The following DR1 variants were observed in gnomAD, a reference collection of about 807,000 sequenced individuals.
DR1 encodes the protein protein Dr1.
In DR1, 7 loss-of-function variants were observed where a neutral mutation model predicts 19.9. That is an observed-to-expected ratio of 0.35 (90% CI 0.20 to 0.66). DR1 has a LOEUF of 0.66. DR1 is among the 30% of genes least tolerant of loss of function. DR1 has a pLI of 0.66. For missense variants in DR1, 98 were observed against 203.7 expected (o/e 0.48, Z 3.16); for synonymous variants, 76 against 72.5 (o/e 1.05, Z -0.24).
chr1:93,350,423 A>G (rs1666901548), intron 1 of DR1, among the ~76,000 whole-genome samples: 1 of 152,176 alleles, frequency 6.6e-6, no homozygotes, highest in Non-Finnish European at 1.5e-5. Flanking sequence ...TCCTTCCCAC[A>G]AACAAAAGAA....
chr1:93,361,049 G>GGT lies in DR1; in HGVS notation c.*411_*412insTG, dbSNP rs1553198479. On this transcript the variant is annotated 3_prime_UTR_variant, in exon 3 of 3. Transcript: ENST00000370272. ...TGTGAATTTTAAATTATTAAGGGGG[G>GGT]GGTGCTGTGTGAATCAGTAGACATT... 16 of 163,828 alleles carry GGT rather than the reference G, an allele frequency of 9.8e-5. No individual in the cohort carries two copies. The highest frequency in any genetic ancestry group is 2.0e-4 in the Non-Finnish European group (15 of 76,800). The allele number at this position is 163,828 out of a possible 1,614,324, so 10.1% of individuals were successfully genotyped here. A position where few individuals can be genotyped will look rare whatever the true frequency, so the allele number is the denominator to read the frequency against.
chr1:93,362,781 G>T lies in DR1; in HGVS notation c.*2142G>T, dbSNP rs1380461230. The T allele has an allele frequency of 6.8e-6, 1 of 146,624 alleles. No individual in the cohort carries two copies. Among genetic ancestry groups the T allele is most frequent in the Non-Finnish European group, 1.5e-5 (1 of 67,060 alleles). 9.1% of individuals were successfully genotyped at this position (146,624 alleles called of 1,614,324 possible). A position where few individuals can be genotyped will look rare whatever the true frequency, so the allele number is the denominator to read the frequency against. On this transcript the variant is annotated 3_prime_UTR_variant, in exon 3 of 3. Coordinates refer to ENST00000370272, the MANE Select transcript of DR1 (RefSeq NM_001938.3). ...TATAATTTACAGTCCTAAGATCGAG[G>T]CATAACAAAGCTTACTTATGCAATA... is the stretch of plus-strand genomic sequence containing the variant.
intron 1 of DR1, among the ~76,000 whole-genome samples, chr1:93,350,242 C>T (rs1352861665): frequency 6.6e-6 from 1 of 152,160 alleles, no homozygotes; most frequent in African/African-American, 2.4e-5. Flanking sequence ...AAATGATACT[C>T]AATTCCTTCT....
chr1:93,352,504 G>A (rs532618092), intron 1 of DR1, among the ~76,000 whole-genome samples: 1 of 152,310 alleles, frequency 6.6e-6, no homozygotes, highest in South Asian at 2.1e-4. Flanking sequence ...AAAGAAGGTT[G>A]ATGAAAACAG....
rs961589695 is a variant in DR1, at chr1:93,361,198, A to G, written c.*559A>G. 3.3e-5 allele frequency: 5 copies of G among 152,632 alleles called. No individual in the cohort carries two copies. The South Asian group carries it at 1.0e-3, about 32-fold the overall frequency. The allele number at this position is 152,632 out of a possible 1,614,324, so 9.5% of individuals were successfully genotyped here. A position where few individuals can be genotyped will look rare whatever the true frequency, so the allele number is the denominator to read the frequency against. On this transcript the variant is annotated 3_prime_UTR_variant, in exon 3 of 3. Transcript: ENST00000370272. ...TACTTGTTTAGAAAAACTTCAAGAC[A>G]TTCAAAAACTAGGAAGGAGTATGTT... is the stretch of plus-strand genomic sequence containing the variant.
At chr1:93,360,346 C>T (rs982782738) in intron 2 of DR1, 147 bp from the exon 3 acceptor site, 10 of 655,590 alleles carry the variant, frequency 1.5e-5, no homozygotes, top group Non-Finnish European at 2.1e-5. Flanking sequence ...TTATGTTCTC[C>T]AGATGTGTGA....
intron 2 of DR1, among the ~76,000 whole-genome samples, chr1:93,358,469 G>A (rs139101882): frequency 2.0e-5 from 3 of 152,218 alleles, no homozygotes; most frequent in Non-Finnish European, 2.9e-5. Flanking sequence ...GACTGAACGC[G>A]GTTTGCATTT....
Position 93,346,793 on chromosome 1 carries a change from A to G in DR1, c.148A>G (p.Ile50Val), listed in dbSNP as rs764726619. ...CTGCTGCACTGAATTCATTCACCTT[A>G]TATCTTCTGAAGCCAATGAGATTTG... The part of the protein sequence containing the change: ...VNCCTEFIHL[I>V]SSEANEICNK... The change falls in exon 1 of 3, where the codon ATA (isoleucine) becomes GTA (valine). Residue 50 changes from isoleucine (I) to valine (V), a missense_variant. Ile to Val is a conservative substitution (Grantham distance 29). Coordinates refer to ENST00000370272, the MANE Select transcript of DR1 (RefSeq NM_001938.3). 17 of 1,614,058 alleles carry G rather than the reference A, an allele frequency of 1.1e-5. No individual in the cohort carries two copies. The highest frequency in any genetic ancestry group is 1.6e-4 in the Middle Eastern group (1 of 6,062).
At chr1:93,353,701 T>A (rs111615091) in intron 1 of DR1, among the ~76,000 whole-genome samples, 2 of 152,356 alleles carry the variant, frequency 1.3e-5, no homozygotes, top group African/African-American at 4.8e-5. Flanking sequence ...TTTAACTGAT[T>A]TGCCACCTAA....
rs1177146096 is a variant in DR1 at position 93,362,777 on chromosome 1, C to T, written c.*2138C>T. On this transcript the variant is annotated 3_prime_UTR_variant, in exon 3 of 3. Transcript: ENST00000370272. Reference sequence around the variant, plus strand: ...TTTTTATAATTTACAGTCCTAAGATCGAGGCATAACAAAGCTTACTTATGC... The same window carrying T: ...TTTTTATAATTTACAGTCCTAAGATTGAGGCATAACAAAGCTTACTTATGC... 7.0e-6 allele frequency: 1 copy of T among 143,694 alleles called. No individual in the cohort carries two copies. The highest frequency in any genetic ancestry group is 7.0e-5 in the Admixed American group (1 of 14,312). The allele number at this position is 143,694 out of a possible 1,614,324, so 8.9% of individuals were successfully genotyped here. A position where few individuals can be genotyped will look rare whatever the true frequency, so the allele number is the denominator to read the frequency against.
intron 1 of DR1, among the ~76,000 whole-genome samples, chr1:93,352,464 T>C (rs998587756): frequency 9.9e-5 from 15 of 152,230 alleles, no homozygotes; most frequent in Non-Finnish European, 2.1e-4. Flanking sequence ...AATAGGACAG[T>C]ACTATGCTTT....
rs66850500 is a variant in DR1 at position 93,352,891 on chromosome 1, A to ATTT, written c.221-998_221-996dup. Among the ~76,000 whole-genome samples the ATTT allele has an allele frequency of 2.7e-3, 372 of 139,516 alleles. 6 individuals are homozygous for ATTT. Among genetic ancestry groups the ATTT allele is most frequent in the African/African-American group, 9.6e-3 (349 of 36,302 alleles). The allele number at this position is 139,516 out of a possible 152,430, so 91.5% of individuals were successfully genotyped here. On this transcript the variant is annotated intron_variant, in intron 1 of 2. Transcript: ENST00000370272. Reference sequence around the variant, plus strand: ...TACAGAAGGTATTTAGGGTGTGTGAATTTTTTTTTTTTTTTTTTTTTGAAA... The same window carrying ATTT: ...TACAGAAGGTATTTAGGGTGTGTGAATTTTTTTTTTTTTTTTTTTTTTTTGAAA...
At chr1:93,352,749 C>T (rs190157341) in intron 1 of DR1, among the ~76,000 whole-genome samples, 37 of 152,272 alleles carry the variant, frequency 2.4e-4, no homozygotes, top group African/African-American at 8.9e-4. Context: ...TATGTTTCAT[C>T]ATTGGTTCAC....
intron 1 of DR1, among the ~76,000 whole-genome samples, chr1:93,351,763 A>G (rs1349238832): frequency 6.6e-6 from 1 of 152,144 alleles, no homozygotes; most frequent in Non-Finnish European, 1.5e-5. Flanking sequence ...TGTCTAGTAT[A>G]GTAACTATGG....
intron 1 of DR1, among the ~76,000 whole-genome samples, chr1:93,352,394 A>T (rs532055129): frequency 6.6e-6 from 1 of 152,270 alleles, no homozygotes; most frequent in African/African-American, 2.4e-5. Context: ...GATATACAGA[A>T]CTTAGAATAA....
intron 1 of DR1, among the ~76,000 whole-genome samples, chr1:93,350,491 G>A (rs188610716): frequency 4.6e-5 from 7 of 152,250 alleles, no homozygotes; most frequent in East Asian, 1.9e-4. Flanking sequence ...TGTATATCAC[G>A]TAATTTTACA....
In DR1 at chr1:93,361,436, C is replaced by A. The variant is rs1159791146; in HGVS notation, c.*797C>A. On this transcript the variant is annotated 3_prime_UTR_variant, in exon 3 of 3. Transcript: ENST00000370272. The stretch of plus-strand genomic sequence containing the variant: ...GTATTACTTACCTAGTCCATCCATA[C>A]TCATATTATTCAAATATATAGGTGG... The A allele has an allele frequency of 6.6e-6, 1 of 152,522 alleles. No homozygotes were observed. The highest frequency in any genetic ancestry group is 1.5e-5 in the Non-Finnish European group (1 of 67,978). The allele number at this position is 152,522 out of a possible 1,614,324, so 9.4% of individuals were successfully genotyped here.
chr1:93,363,501 CTTT>C lies in DR1; in HGVS notation c.*2866_*2868del, dbSNP rs1667082043. 6.6e-6 allele frequency: 1 copy of C among 152,108 alleles called. No homozygotes were observed. The highest frequency in any genetic ancestry group is 6.6e-5 in the Admixed American group (1 of 15,266). 9.4% of individuals were successfully genotyped at this position (152,108 alleles called of 1,614,324 possible). A position where few individuals can be genotyped will look rare whatever the true frequency, so the allele number is the denominator to read the frequency against. ...GTTGTGAGGGAGAATGTTTTCTTCC[CTTT>C]TTTGGCTTCCAGTGACGGCCTGTAT... On this transcript the variant is annotated 3_prime_UTR_variant, in exon 3 of 3. Coordinates refer to ENST00000370272, the MANE Select transcript of DR1 (RefSeq NM_001938.3).
At chr1:93,352,706 A>G (rs2101636650) in intron 1 of DR1, among the ~76,000 whole-genome samples, 1 of 152,292 alleles carries the variant, frequency 6.6e-6, no homozygotes, top group South Asian at 2.1e-4. Context: ...TCAAGAACTG[A>G]TGACTTAAAT....
Sources: gnomAD v4.1 joint callset for allele counts (sites outside exome capture counted in the v4.1 genomes callset) on GRCh38, gnomAD v4.1.1 for gene constraint, MANE v1.5 for transcripts, NCBI Gene and HGNC (gene_info 2026-07-23, HGNC 2026-07-21) for gene names.